The following PTPRT variants were observed in gnomAD, a reference collection of about 807,000 sequenced individuals.
The protein encoded by PTPRT is receptor-type tyrosine-protein phosphatase T.
In PTPRT, 56 loss-of-function variants were observed where a neutral mutation model predicts 176.8. The observed-to-expected ratio is 0.32, with a 90% confidence interval of 0.26 to 0.40. PTPRT has a LOEUF of 0.40. PTPRT is among the 10% of genes least tolerant of loss of function. The probability of loss-of-function intolerance (pLI) is 1.00; values close to 1 mark genes in which losing one functional copy is unlikely to be tolerated. For synonymous variants in PTPRT, 783 were observed against 739.0 expected (o/e 1.06, Z -0.96); for missense variants, 1,540 against 1,908.2 (o/e 0.81, Z 3.60).
chr20:42,486,638 G>A (rs1391321998), intron 7 of PTPRT, among the ~76,000 whole-genome samples: 3 of 152,142 alleles, frequency 2.0e-5, no homozygotes, highest in Non-Finnish European at 4.4e-5. Flanking sequence ...CGGGTTTACA[G>A]CAACAGACAT....
intron 6 of PTPRT, among the ~76,000 whole-genome samples, chr20:42,726,577 C>A (rs2076384629): frequency 6.6e-6 from 1 of 152,294 alleles, no homozygotes; most frequent in Non-Finnish European, 1.5e-5. Flanking sequence ...GCTGGTCCAG[C>A]CTACTGTCAG....
rs150042438 is a variant in PTPRT, at chr20:42,318,105, G to A, written c.1866-2109C>T. Among the ~76,000 whole-genome samples, 275 of 152,334 alleles carry A rather than the reference G, an allele frequency of 1.8e-3. 5 individuals carry two copies. Among genetic ancestry groups the A allele is most frequent in the Middle Eastern group, 0.017 (5 of 294 alleles). Reference sequence around the variant, plus strand: ...ATAAGTGTGTGTAACATCTGAGAAGGTGTTAACAATCCAAAGTTTGTGTGT... The same window carrying A: ...ATAAGTGTGTGTAACATCTGAGAAGATGTTAACAATCCAAAGTTTGTGTGT... On this transcript the variant is annotated intron_variant, in intron 11 of 30. Transcript: ENST00000373187.
At chr20:42,976,451 G>C (rs1012283954) in intron 1 of PTPRT, among the ~76,000 whole-genome samples, 1 of 151,680 alleles carries the variant, frequency 6.6e-6, no homozygotes, top group African/African-American at 2.4e-5. Flanking sequence ...TGTCGCCCAG[G>C]CTCAAGTGCA....
At chr20:42,430,599 T>C (rs2059207552) in intron 9 of PTPRT, among the ~76,000 whole-genome samples, 1 of 152,120 alleles carries the variant, frequency 6.6e-6, no homozygotes. Context: ...GCAGGAACTG[T>C]AGAAACCTGG....
At chr20:42,556,482 C>A (rs1449035060) in intron 7 of PTPRT, among the ~76,000 whole-genome samples, 1 of 152,036 alleles carries the variant, frequency 6.6e-6, no homozygotes, top group South Asian at 2.1e-4. Flanking sequence ...CTTCCTGAAA[C>A]CAAGAATATC....
chr20:42,335,404 G>A (rs1280126714), intron 11 of PTPRT, among the ~76,000 whole-genome samples: 3 of 151,604 alleles, frequency 2.0e-5, no homozygotes, highest in African/African-American at 4.9e-5. Context: ...GGTTAGGTAA[G>A]CAATGCTTCC....
Position 42,372,655 on chromosome 20 carries a change from C to T in PTPRT, c.1561-20370G>A, listed in dbSNP as rs547219751. On this transcript the variant is annotated intron_variant, in intron 9 of 30. Transcript: ENST00000373187. ...GATATTTGCTAAAGTTTGAAAGTCC[C>T]CCCAAATTCATACGTTGAAACCTAA... Among the ~76,000 whole-genome samples, 245 of 152,144 alleles carry T rather than the reference C, an allele frequency of 1.6e-3. 1 individual carries two copies. The highest frequency in any genetic ancestry group is 3.2e-3 in the Admixed American group (49 of 15,278).
chr20:42,665,960 G>A (rs2075309557), intron 7 of PTPRT, among the ~76,000 whole-genome samples: 1 of 127,000 alleles, frequency 7.9e-6, no homozygotes, highest in Admixed American at 8.5e-5. Flanking sequence ...GGGGGAGGGG[G>A]AGGGATAGCA....
At chr20:42,588,848 C>G (rs776361861) in intron 7 of PTPRT, among the ~76,000 whole-genome samples, 30 of 152,168 alleles carry the variant, frequency 2.0e-4, no homozygotes, top group Non-Finnish European at 4.1e-4. Flanking sequence ...GCACTAAACA[C>G]TTAAGTCCTC....
chr20:42,520,331 T>C (rs1215122208), intron 7 of PTPRT, among the ~76,000 whole-genome samples: 6 of 152,108 alleles, frequency 3.9e-5, no homozygotes, highest in African/African-American at 7.2e-5. Context: ...CAAATACAAT[T>C]TGCTGGCCAT....
intron 15 of PTPRT, among the ~76,000 whole-genome samples, chr20:42,212,611 A>T (rs1364367892): frequency 1.3e-5 from 2 of 152,104 alleles, no homozygotes; most frequent in African/African-American, 4.8e-5. Context: ...AGCTCTTGCA[A>T]GTTACTGAGC....
chr20:42,174,069 T>A (rs371534899), intron 16 of PTPRT, among the ~76,000 whole-genome samples: 4 of 152,302 alleles, frequency 2.6e-5, no homozygotes, highest in African/African-American at 9.6e-5. Context: ...GAGAATGAAG[T>A]ATATTAAAGT....
At chr20:43,063,923 C>A (rs1987571792) in intron 1 of PTPRT, among the ~76,000 whole-genome samples, 2 of 152,192 alleles carry the variant, frequency 1.3e-5, no homozygotes, top group South Asian at 4.2e-4. Flanking sequence ...AGCTTCCAGT[C>A]CTACTTGGAC....
intron 1 of PTPRT, among the ~76,000 whole-genome samples, chr20:43,096,255 T>C (rs1472768803): frequency 6.6e-6 from 1 of 151,988 alleles, no homozygotes; most frequent in Non-Finnish European, 1.5e-5. Context: ...TCCGACCCTA[T>C]TTGGCTCTTT....
At chr20:42,646,137 C>G (rs1355749882) in intron 7 of PTPRT, among the ~76,000 whole-genome samples, 4 of 151,854 alleles carry the variant, frequency 2.6e-5, no homozygotes, top group African/African-American at 9.7e-5. Context: ...TCCCACCCAC[C>G]CTTCCCTTGC....
chr20:42,894,985 A>G (rs1369248876), intron 1 of PTPRT, among the ~76,000 whole-genome samples: 1 of 152,242 alleles, frequency 6.6e-6, no homozygotes, highest in Admixed American at 6.5e-5. Context: ...TGAGCTGTTC[A>G]GACAGATTCA....
At chr20:42,989,977 G>A (rs1485033911) in intron 1 of PTPRT, among the ~76,000 whole-genome samples, 1 of 152,202 alleles carries the variant, frequency 6.6e-6, no homozygotes, top group Non-Finnish European at 1.5e-5. Flanking sequence ...ATTCACCAAT[G>A]AGTAGGATGC....
intron 17 of PTPRT, among the ~76,000 whole-genome samples, chr20:42,143,514 G>A (rs188632226): frequency 6.7e-6 from 1 of 148,428 alleles, no homozygotes; most frequent in Non-Finnish European, 1.5e-5. Flanking sequence ...CTGAGAGCAC[G>A]CTACTGCACT....
intron 7 of PTPRT, among the ~76,000 whole-genome samples, chr20:42,507,797 G>A (rs1015737997): frequency 2.6e-5 from 4 of 151,590 alleles, no homozygotes; most frequent in African/African-American, 9.7e-5. Flanking sequence ...GAGGACAGAA[G>A]GCCAGGGTAG....
Sources: gnomAD v4.1 joint callset for allele counts (sites outside exome capture counted in the v4.1 genomes callset) on GRCh38, gnomAD v4.1.1 for gene constraint, MANE v1.5 for transcripts, NCBI Gene and HGNC (gene_info 2026-07-23, HGNC 2026-07-21) for gene names.